The following IFT46 variants were observed in gnomAD, a reference collection of about 807,000 sequenced individuals.
IFT46 encodes the protein intraflagellar transport 46.
IFT46 carries 19 observed loss-of-function variants against 39.6 expected under a neutral mutation model. That is an observed-to-expected ratio of 0.48 (90% CI 0.33 to 0.70). IFT46 has a LOEUF of 0.70. Among genes scored for constraint, IFT46 ranks in the 30% least tolerant of loss-of-function variants. The pLI, the probability that IFT46 is intolerant of heterozygous loss-of-function variation, is 0.01. For synonymous variants in IFT46, 117 were observed against 134.8 expected (o/e 0.87, Z 0.91); for missense variants, 334 against 364.8 (o/e 0.92, Z 0.69).
intron 7 of IFT46, 131 bp downstream of exon 7, chr11:118,554,328 T>G: frequency 2.4e-6 from 2 of 829,016 alleles, no homozygotes; most frequent in Non-Finnish European, 3.5e-6. Flanking sequence ...AGTGCTGGGA[T>G]TACAGGCGTG....
At chr11:118,572,429 G>A (rs1938362133) in intron 1 of IFT46, 1 of 1,042,628 alleles carries the variant, frequency 9.6e-7, no homozygotes, top group East Asian at 3.4e-5. Context: ...GAGGCGAAGC[G>A]GCAGCGGTTC....
chr11:118,552,326 T>G lies in IFT46; in HGVS notation c.493A>C (p.Lys165Gln), dbSNP rs782744458. ...TCTGCATCTTCTAGGCTTTTTACTT[T>G]CATATGTTGCTAGGAAAGTAAGGAG... ...SKQHNITQHMKVKSLEDAEKN... is the reference protein window; with the variant it reads ...SKQHNITQHMQVKSLEDAEKN... Residue 165 changes from lysine (K) to glutamine (Q), a missense_variant, in exon 8 of 12, where the codon AAA (lysine) becomes CAA (glutamine). Transcript: ENST00000264021. 3 of 1,614,176 alleles carry G rather than the reference T, an allele frequency of 1.9e-6. No individual in the cohort carries two copies. In the East Asian group the frequency reaches 6.7e-5, roughly 36 times the overall value.
intron 2 of IFT46, among the ~76,000 whole-genome samples, chr11:118,564,168 GAT>G (rs1262345710): frequency 1.6e-5 from 2 of 121,286 alleles, no homozygotes; most frequent in African/African-American, 6.3e-5. Flanking sequence ...CAGCCTGTGT[GAT>G]AGAGTGAGAC....
At chr11:118,566,294 C>A (rs2135516245), upstream of IFT46, among the ~76,000 whole-genome samples, 1 of 152,288 alleles carries the variant, frequency 6.6e-6, no homozygotes, top group South Asian at 2.1e-4. Context: ...TCTGTAAGTC[C>A]TTTTCTAGCA....
upstream of IFT46, among the ~76,000 whole-genome samples, chr11:118,569,936 C>T (rs118061099): frequency 1.8e-3 from 272 of 151,920 alleles, 1 homozygote; most frequent in Non-Finnish European, 3.4e-3. Flanking sequence ...GTCTGGAGGG[C>T]AGTGTTGTGA....
Position 118,552,231 on chromosome 11 carries a change from C to A in IFT46, c.588G>T (p.Ala196=). 1 of 1,614,058 alleles carries A rather than the reference C, an allele frequency of 6.2e-7. No individual in the cohort carries two copies. Among genetic ancestry groups the A allele is most frequent in the South Asian group, 1.1e-5 (1 of 91,068 alleles). The change falls in exon 8 of 12, where the codon GCG becomes GCT. Residue 196 remains alanine (A), a synonymous_variant. Transcript: ENST00000264021. ...ISELHRSKPP[A]TVHYTRPMPD... ...TTTCTTACCTGGTGTAGTGCACAGT[C>A]GCAGGGGGCTTAGAACGGTGTAATT...
chr11:118,546,468 G>A lies in IFT46; in HGVS notation c.673-615C>T, dbSNP rs571883558. ...ATTGAGCTACTGCACTCCAGCCTGG[G>A]CATAGAGTAATACCCTGTAAAAAAA... On this transcript the variant is annotated intron_variant, in intron 9 of 11. Transcript: ENST00000264021. The A allele has an allele frequency of 1.2e-5, 4 of 336,564 alleles. No individual in the cohort carries two copies. The South Asian group carries it at 1.5e-4, about 13-fold the overall frequency. 20.8% of individuals were successfully genotyped at this position (336,564 alleles called of 1,614,324 possible). A position where few individuals can be genotyped will look rare whatever the true frequency, so the allele number is the denominator to read the frequency against.
chr11:118,550,959 G>T (rs985838472), intron 9 of IFT46, among the ~76,000 whole-genome samples: 1 of 150,276 alleles, frequency 6.7e-6, no homozygotes. Context: ...CCTGCGGGGG[G>T]TACGGAGGTT....
At chr11:118,563,209 T>G (rs1372307131) in intron 2 of IFT46, among the ~76,000 whole-genome samples, 2 of 150,086 alleles carry the variant, frequency 1.3e-5, no homozygotes, top group African/African-American at 5.1e-5. Context: ...ACAGTATGAT[T>G]TCACTTATGT....
At chr11:118,547,778 A>C (rs1225425390) in intron 9 of IFT46, among the ~76,000 whole-genome samples, 4 of 106,246 alleles carry the variant, frequency 3.8e-5, no homozygotes, top group Admixed American at 1.2e-4. Context: ...ACAGAGTCTC[A>C]CTCTTTCGCC....
chr11:118,566,583 C>G (rs1555071564), upstream of IFT46, among the ~76,000 whole-genome samples: 2 of 152,172 alleles, frequency 1.3e-5, no homozygotes, highest in Non-Finnish European at 2.9e-5. Flanking sequence ...GTCCCAGCTA[C>G]TCGAGAGGCT....
chr11:118,569,493 T>C (rs1938294157), upstream of IFT46, among the ~76,000 whole-genome samples: 1 of 152,040 alleles, frequency 6.6e-6, no homozygotes, highest in Non-Finnish European at 1.5e-5. Flanking sequence ...CTCCCAGACA[T>C]ATAAAATTTA....
At chr11:118,567,606 A>T (rs1022051551), upstream of IFT46, among the ~76,000 whole-genome samples, 1 of 152,222 alleles carries the variant, frequency 6.6e-6, no homozygotes, top group African/African-American at 2.4e-5. Context: ...ACATTTTAAA[A>T]AGAAAATAAT....
chr11:118,564,539 C>T (rs562097135), intron 2 of IFT46, among the ~76,000 whole-genome samples: 3 of 151,910 alleles, frequency 2.0e-5, no homozygotes, highest in Admixed American at 6.6e-5. Context: ...AGCGAGGCCT[C>T]GTCTCTATAA....
chr11:118,564,528 T>G (rs1209694042), intron 2 of IFT46, among the ~76,000 whole-genome samples: 1 of 152,052 alleles, frequency 6.6e-6, no homozygotes, highest in South Asian at 2.1e-4. Context: ...CTTGGTAACA[T>G]AGCGAGGCCT....
rs191744634 is a variant in IFT46, at chr11:118,549,466, A to G, written c.672+2320T>C. ...TCTTTTAACTTTGTTTATGGTATCT[A>G]TTGGTATGTAGAACCTTTCATTTCT... On this transcript the variant is annotated intron_variant, in intron 9 of 11. Coordinates refer to ENST00000264021, the MANE Select transcript of IFT46 (RefSeq NM_001168618.2). 1.8e-3 allele frequency among the ~76,000 whole-genome samples: 276 copies of G among 150,810 alleles called. 1 individual carries two copies. The highest frequency in any genetic ancestry group is 6.0e-3 in the African/African-American group (247 of 41,014).
Position 118,556,978 on chromosome 11 carries a change from T to C in IFT46, c.113A>G (p.Asp38Gly). 2 of 1,612,938 alleles carry C rather than the reference T, an allele frequency of 1.2e-6. No individual in the cohort carries two copies. Among genetic ancestry groups the C allele is most frequent in the Non-Finnish European group, 1.7e-6 (2 of 1,179,226 alleles). ...ATCAGTTTCAGATGAATCATCATCA[T>C]CATCATCGTCATCCTCATTTTCACT... ...GFSENEDDDDDDDDSSETDSD... is the reference protein window; with the variant it reads ...GFSENEDDDDGDDDSSETDSD... The change falls in exon 4 of 12, where the codon GAT becomes GGT. Residue 38 changes from aspartate to glycine, a missense_variant. Asp to Gly is a moderately conservative substitution (Grantham distance 94). Transcript: ENST00000264021.
chr11:118,545,304 G>T, intron 11 of IFT46, 105 bp downstream of exon 11: 2 of 874,382 alleles, frequency 2.3e-6, no homozygotes, highest in South Asian at 3.1e-5. Context: ...TAACTGGGCA[G>T]AGACATCCTA....
upstream of IFT46, among the ~76,000 whole-genome samples, chr11:118,568,040 G>T (rs1349048268): frequency 6.6e-6 from 1 of 152,162 alleles, no homozygotes; most frequent in Non-Finnish European, 1.5e-5. Flanking sequence ...CAAGAAGCAT[G>T]CTTACAGGGT....
Sources: allele counts gnomAD v4.1 joint callset (sites outside exome capture counted in the v4.1 genomes callset), GRCh38; gene constraint gnomAD v4.1.1; transcripts MANE v1.5; gene names NCBI Gene and HGNC (gene_info 2026-07-23, HGNC 2026-07-21).